The following KHDC1 variants were observed in gnomAD, a reference collection of about 807,000 sequenced individuals.
The protein encoded by KHDC1 is KH homology domain-containing protein 1.
Under a neutral mutation model 24.7 loss-of-function variants are expected in KHDC1, and 21 were observed. The observed-to-expected ratio is 0.85, with a 90% confidence interval of 0.60 to 1.23. The LOEUF is 1.23. Ranked by LOEUF, KHDC1 falls within the 50% of genes most tolerant of loss-of-function variation. The pLI, the probability that KHDC1 is intolerant of heterozygous loss-of-function variation, is 0.00. For missense variants in KHDC1, 274 were observed against 298.5 expected (o/e 0.92, Z 0.61); for synonymous variants, 98 against 111.7 (o/e 0.88, Z 0.77).
chr6:73,266,802 A>G (rs1476451730), intron 2 of KHDC1, among the ~76,000 whole-genome samples: 1 of 152,238 alleles, frequency 6.6e-6, no homozygotes, highest in Non-Finnish European at 1.5e-5. Context: ...AGGAACATGA[A>G]GAAGAATGAA....
In KHDC1 at chr6:73,291,008, A is replaced by G. The variant is rs192524001; in HGVS notation, c.206+990T>C. 771 of 365,810 alleles carry G rather than the reference A, an allele frequency of 2.1e-3. 6 individuals carry two copies. Among genetic ancestry groups the G allele is most frequent in the Non-Finnish European group, 3.2e-3 (602 of 186,682 alleles). 22.7% of individuals were successfully genotyped at this position (365,810 alleles called of 1,614,324 possible). A position where few individuals can be genotyped will look rare whatever the true frequency, so the allele number is the denominator to read the frequency against. On this transcript the variant is annotated intron_variant, in intron 2 of 4. Transcript: ENST00000370384. ...TCATGCCTGATCTCTACTTCTATAGAGATCCTGAAGAGATTGAAAAGGAAG... is the reference window on the plus strand; with the variant it reads ...TCATGCCTGATCTCTACTTCTATAGGGATCCTGAAGAGATTGAAAAGGAAG...
intron 2 of KHDC1, among the ~76,000 whole-genome samples, chr6:73,282,208 ACT>A (rs1400980177): frequency 2.9e-5 from 4 of 136,538 alleles, no homozygotes; most frequent in Admixed American, 7.6e-5. Context: ...ACAGAGTGAG[ACT>A]CTGTCTAAAA....
At chr6:73,292,023 C>T (rs780083401) in exon 2 of KHDC1, 5 of 1,613,994 alleles carry the variant, frequency 3.1e-6, no homozygotes, top group Admixed American at 3.3e-5. Flanking sequence ...CTAGTCTTTC[C>T]GCTCCTTGAG....
At chr6:73,302,281 T>G (rs1767891429) in intron 1 of KHDC1, among the ~76,000 whole-genome samples, 1 of 152,074 alleles carries the variant, frequency 6.6e-6, no homozygotes, top group African/African-American at 2.4e-5. Flanking sequence ...AGAGCGAGAC[T>G]CTGTCTCAAA....
At chr6:73,281,951 C>T (rs1767421534) in intron 2 of KHDC1, among the ~76,000 whole-genome samples, 2 of 151,712 alleles carry the variant, frequency 1.3e-5, no homozygotes, top group South Asian at 4.2e-4. Context: ...GGTCCGGTGG[C>T]TCACGCCTGT....
At chr6:73,247,674 T>C (rs2150553363) in intron 2 of KHDC1, among the ~76,000 whole-genome samples, 1 of 152,068 alleles carries the variant, frequency 6.6e-6, no homozygotes, top group South Asian at 2.1e-4. Flanking sequence ...CTAGCCAGCA[T>C]GGTGAAACCC....
chr6:73,270,713 C>T (rs921993147), intron 2 of KHDC1, among the ~76,000 whole-genome samples: 2 of 148,254 alleles, frequency 1.3e-5, no homozygotes, highest in Non-Finnish European at 3.0e-5. Flanking sequence ...TTTCTGAAAT[C>T]GAGTTTTGCT....
At chr6:73,242,669 G>T (rs182467359) in intron 2 of KHDC1, 139 bp from the exon 2 acceptor site, 2 of 922,884 alleles carry the variant, frequency 2.2e-6, no homozygotes, top group African/African-American at 1.7e-5. Context: ...GTACAATCCC[G>T]GTATCTCTTC....
chr6:73,256,315 T>G (rs1226701471), intron 2 of KHDC1, among the ~76,000 whole-genome samples: 1 of 152,222 alleles, frequency 6.6e-6, no homozygotes, highest in Non-Finnish European at 1.5e-5. Flanking sequence ...ATAGCTTCAT[T>G]GAACAACTGT....
At chr6:73,278,020 T>G (rs578153280) in intron 2 of KHDC1, among the ~76,000 whole-genome samples, 2,231 of 146,522 alleles carry the variant, frequency 0.015, 36 homozygotes, top group East Asian at 0.056. Flanking sequence ...TTTTTTTTTT[T>G]TTTTTTTTTT....
intron 2 of KHDC1, among the ~76,000 whole-genome samples, chr6:73,286,475 A>G (rs766210207): frequency 6.6e-6 from 1 of 152,172 alleles, no homozygotes; most frequent in Non-Finnish European, 1.5e-5. Context: ...TAACAAACCA[A>G]CTTTTCATTG....
Position 73,281,478 on chromosome 6 carries a change from G to A in KHDC1, c.206+10520C>T, listed in dbSNP as rs144512825. On this transcript the variant is annotated intron_variant, in intron 2 of 4. Transcript: ENST00000370384. ...TTAAAATATAAAAAATCAGCCAGGC[G>A]TGGTGATGGGCGCCTGTAATCCCAG... Among the ~76,000 whole-genome samples the A allele has an allele frequency of 3.5e-4, 53 of 152,090 alleles. No individual in the cohort carries two copies. The East Asian group carries it at 6.2e-3, about 18-fold the overall frequency.
At position 73,290,866 on chromosome 6, in the gene KHDC1, T is replaced by C. The variant is rs1767636880; in HGVS notation, c.206+1132A>G. On this transcript the variant is annotated intron_variant, in intron 2 of 4. Coordinates refer to ENST00000370384, the Ensembl canonical transcript of KHDC1. ...CACTGCTGTATGTAACAGATTCTCC[T>C]CTGAGCTATGTGGATATTGTCATCC... 5.6e-6 allele frequency: 2 copies of C among 355,020 alleles called. 1 individual carries two copies. Among genetic ancestry groups the C allele is most frequent in the South Asian group, 4.9e-5 (2 of 40,972 alleles). The allele number at this position is 355,020 out of a possible 1,614,324, so 22.0% of individuals were successfully genotyped here.
At chr6:73,289,688 A>G (rs901978194) in intron 2 of KHDC1, among the ~76,000 whole-genome samples, 12 of 152,192 alleles carry the variant, frequency 7.9e-5, no homozygotes, top group African/African-American at 2.2e-4. Context: ...ACGGCCAGGC[A>G]CTGTGACTCA....
chr6:73,264,985 C>A (rs1250435057), intron 2 of KHDC1, among the ~76,000 whole-genome samples: 4 of 152,146 alleles, frequency 2.6e-5, no homozygotes, highest in African/African-American at 9.7e-5. Context: ...TTGAGGAGTG[C>A]ATGTATACCC....
intron 2 of KHDC1, chr6:73,284,783 C>G (rs1767489196): frequency 6.6e-6 from 1 of 152,020 alleles, no homozygotes; most frequent in Non-Finnish European, 1.5e-5. Flanking sequence ...GCTTATCCAC[C>G]CTTCCTGACC....
At chr6:73,299,609 C>CG (rs397953475) in intron 1 of KHDC1, 1 of 268 alleles carries the variant, frequency 3.7e-3, no homozygotes, top group African/African-American at 0.083. Flanking sequence ...GCCGGCGGGG[C>CG]GCCTAAAAGG....
chr6:73,280,187 C>G (rs1767377399), intron 2 of KHDC1, among the ~76,000 whole-genome samples: 1 of 151,978 alleles, frequency 6.6e-6, no homozygotes. Context: ...AGGAGACAGT[C>G]TCACTGTCAC....
At chr6:73,249,085 AATT>A (rs949481732) in intron 2 of KHDC1, among the ~76,000 whole-genome samples, 1 of 152,178 alleles carries the variant, frequency 6.6e-6, no homozygotes, top group African/African-American at 2.4e-5. Flanking sequence ...TCACTTTCTC[AATT>A]ATTAACCCTT....
Sources: gnomAD v4.1 joint callset for allele counts (sites outside exome capture counted in the v4.1 genomes callset) on GRCh38, gnomAD v4.1.1 for gene constraint, MANE v1.5 for transcripts, NCBI Gene and HGNC (gene_info 2026-07-23, HGNC 2026-07-21) for gene names.